The following ZNF511 variants were observed in gnomAD, a reference collection of about 807,000 sequenced individuals.
ZNF511 encodes the protein zinc finger protein 511.
A neutral mutation model predicts 24.8 loss-of-function variants in ZNF511; 26 were observed. The observed-to-expected ratio is 1.05, with a 90% CI of 0.77 to 1.46. ZNF511 has a LOEUF of 1.46. ZNF511 is among the 40% of genes most tolerant of loss of function. ZNF511 has a pLI of 0.00. For synonymous variants in ZNF511, 144 were observed against 139.6 expected, an observed-to-expected ratio of 1.03 and a Z score of -0.22; for missense variants, 358 against 345.0, an observed-to-expected ratio of 1.04 and a Z score of -0.30.
intron 5 of ZNF511, chr10:133,312,561 G>T: frequency 1.4e-6 from 2 of 1,419,678 alleles, no homozygotes; most frequent in South Asian, 1.5e-5. Context: ...CGCCCTCTCT[G>T]CGGAGTTCTT....
In ZNF511 at chr10:133,312,798, A is replaced by G. The variant is rs2136156602; in HGVS notation, c.691A>G (p.Thr231Ala). 6.2e-7 allele frequency: 1 copy of G among 1,614,218 alleles called. No individual in the cohort carries two copies. Among genetic ancestry groups the G allele is most frequent in the Non-Finnish European group, 8.5e-7 (1 of 1,180,044 alleles). Reference sequence around the variant, plus strand: ...TTTCTTCCATCCCAGAATACCCTCTACCATCTGCTTTGGTCAGGGTGCCGC... The same window carrying G: ...TTTCTTCCATCCCAGAATACCCTCTGCCATCTGCTTTGGTCAGGGTGCCGC... ...RRIYRHRIPS[T>A]ICFGQGAARG... The change falls in exon 6 of 6, where the codon ACC becomes GCC. Residue 231 changes from threonine to alanine, a missense_variant. By Grantham distance (58) the Thr-to-Ala change is moderately conservative. Transcript: ENST00000361518.
Position 133,308,921 on chromosome 10 carries a change from T to TGCGC in ZNF511, c.-22_-19dup, listed in dbSNP as rs1225115716. ...GGCTCGCGGACGGTGGCCGACAGGC[T>TGCGC]GCGCCCGCCCGCGCCCGGGGTGATG... is the stretch of plus-strand genomic sequence containing the variant. On this transcript the variant is annotated 5_prime_UTR_variant, in exon 1 of 6. Transcript: ENST00000361518. 1 of 1,214,144 alleles carries TGCGC rather than the reference T, an allele frequency of 8.2e-7. No individual in the cohort carries two copies. The highest frequency in any genetic ancestry group is 1.6e-5 in the African/African-American group (1 of 63,438). 75.2% of individuals were successfully genotyped at this position (1,214,144 alleles called of 1,614,324 possible). A position where few individuals can be genotyped will look rare whatever the true frequency, so the allele number is the denominator to read the frequency against.
chr10:133,311,950 AC>A lies in ZNF511; in HGVS notation c.680+110del, dbSNP rs746538879. 6.8e-6 allele frequency: 11 copies of A among 1,612,424 alleles called. No individual in the cohort carries two copies. The South Asian group carries it at 8.8e-5, about 13-fold the overall frequency. On this transcript the variant is annotated intron_variant, in intron 5 of 5. Coordinates refer to ENST00000361518, the MANE Select transcript of ZNF511 (RefSeq NM_145806.4). Reference sequence around the variant, plus strand: ...TTCTCATACTGAATTCAGAAAGGTAACGCTGGGTAAGAAAATCGGCTTCCGC... The same window carrying A: ...TTCTCATACTGAATTCAGAAAGGTAAGCTGGGTAAGAAAATCGGCTTCCGC...
chr10:133,309,592 C>G, intron 2 of ZNF511, 129 bp downstream of exon 2: 1 of 1,290,182 alleles, frequency 7.8e-7, no homozygotes, highest in South Asian at 1.3e-5. Flanking sequence ...GCCTGTCCAG[C>G]TTTGGCGTGG....
Position 133,309,426 on chromosome 10 carries a change from G to T in ZNF511, c.190G>T (p.Val64Leu). ...DVQRHLYLQDVIMQVADVPEK... is the reference protein window; with the variant it reads ...DVQRHLYLQDLIMQVADVPEK... ...GCAGCGCCACCTCTACCTCCAGGAC[G>T]TGATCATGCAGGTGGCCGACGTGCC... The change falls in exon 2 of 6, where the codon GTG becomes TTG. Residue 64 changes from valine (V) to leucine (L), a missense_variant. Transcript: ENST00000361518. 4 of 1,612,590 alleles carry T rather than the reference G, an allele frequency of 2.5e-6. No individual in the cohort carries two copies. The highest frequency in any genetic ancestry group is 3.4e-6 in the Non-Finnish European group (4 of 1,179,762).
At position 133,309,812 on chromosome 10, in the gene ZNF511, C is replaced by A. The variant is rs1410977260; in HGVS notation, c.264C>A (p.Cys88Ter). 1 of 1,613,502 alleles carries A rather than the reference C, an allele frequency of 6.2e-7. No homozygotes were observed. Among genetic ancestry groups the A allele is most frequent in the South Asian group, 1.1e-5 (1 of 91,068 alleles). Reference sequence around the variant, plus strand: ...TTGCCTGCCAGGTGGCCGGCTGCTGCCAGGTGTTCGATGCCCTGGACGACT... The same window carrying A: ...TTGCCTGCCAGGTGGCCGGCTGCTGACAGGTGTTCGATGCCCTGGACGACT... ...PAFACQVAGCCQVFDALDDYE... is the reference protein window; with the variant it reads ...PAFACQVAGC The change falls in exon 3 of 6, where the codon TGC becomes TGA. Residue 88 changes from cysteine (C) to a stop codon, truncating the protein, a stop_gained. Coordinates refer to ENST00000361518, the MANE Select transcript of ZNF511 (RefSeq NM_145806.4). LOFTEE classifies it high-confidence loss of function.
intron 4 of ZNF511, among the ~76,000 whole-genome samples, chr10:133,310,728 A>G (rs977432100): frequency 6.6e-6 from 1 of 152,180 alleles, no homozygotes; most frequent in Admixed American, 6.5e-5. Flanking sequence ...GGTTGTGCGC[A>G]TATGAACTTG....
Position 133,310,256 on chromosome 10 carries a change from C to A in ZNF511, c.522C>A (p.Asp174Glu), listed in dbSNP as rs1345905963. The change falls in exon 4 of 6, where the codon GAC becomes GAA. Residue 174 changes from aspartate (D) to glutamate (E), a missense_variant. Coordinates refer to ENST00000361518, the MANE Select transcript of ZNF511 (RefSeq NM_145806.4). ...TGAGGATGCACCTGTACCCCGCGGA[C>A]TTCCGGTTTGATAAGCCAAAGAAAA... The part of the protein sequence containing the change: ...HMVRMHLYPA[D>E]FRFDKPKKSR... 1.2e-6 allele frequency: 2 copies of A among 1,614,044 alleles called. No individual in the cohort carries two copies. Among genetic ancestry groups the A allele is most frequent in the Admixed American group, 1.7e-5 (1 of 60,034 alleles).
In ZNF511 at chr10:133,310,163, G is replaced by C. The variant is rs139953339; in HGVS notation, c.430-1G>C. 1 of 1,613,900 alleles carries C rather than the reference G, an allele frequency of 6.2e-7. No homozygotes were observed. The highest frequency in any genetic ancestry group is 1.3e-5 in the African/African-American group (1 of 75,066). On this transcript the variant is annotated splice_acceptor_variant, in intron 3 of 5. Coordinates refer to ENST00000361518, the MANE Select transcript of ZNF511 (RefSeq NM_145806.4). LOFTEE classifies it high-confidence loss of function. ...GGGAGGTGACACGGTCTCCATTTCAGTATCAGTGCTTGGTAGAAGGCTGCA... is the reference window on the plus strand; with the variant it reads ...GGGAGGTGACACGGTCTCCATTTCACTATCAGTGCTTGGTAGAAGGCTGCA...
intron 2 of ZNF511, 137 bp from the exon 3 acceptor site, chr10:133,309,639 A>C: frequency 7.9e-7 from 1 of 1,265,120 alleles, no homozygotes; most frequent in Admixed American, 1.9e-5. Flanking sequence ...TGTGAAACTT[A>C]ATTCATAAAA....
intron 3 of ZNF511, 80 bp from the exon 4 acceptor site, chr10:133,310,084 C>T: frequency 6.2e-7 from 1 of 1,610,664 alleles, no homozygotes; most frequent in African/African-American, 1.3e-5. Flanking sequence ...CACCTTTCCG[C>T]CCTTGGCAGC....
chr10:133,310,127 C>G (rs1450872805), intron 3 of ZNF511, 37 bp from the exon 4 acceptor site: 1 of 1,612,690 alleles, frequency 6.2e-7, no homozygotes. Flanking sequence ...GGGGGAGGGC[C>G]AGGGGTCAGA....
chr10:133,309,369 C>A (rs757684857), intron 1 of ZNF511, 21 bp from the exon 2 acceptor site: 1 of 1,607,834 alleles, frequency 6.2e-7, no homozygotes, highest in Non-Finnish European at 8.5e-7. Flanking sequence ...TGGCCCCGCC[C>A]ACGGCGCACT....
intron 5 of ZNF511, 90 bp from the exon 6 acceptor site, chr10:133,312,698 G>A: frequency 6.3e-7 from 1 of 1,599,954 alleles, no homozygotes; most frequent in East Asian, 2.2e-5. Flanking sequence ...CAGAGTGAAA[G>A]AGAATGAGAA....
At chr10:133,312,645 G>GC in intron 5 of ZNF511, 143 bp from the exon 6 acceptor site, 9 of 1,533,884 alleles carry the variant, frequency 5.9e-6, no homozygotes, top group Non-Finnish European at 7.9e-6. Context: ...AAAGGGAGCT[G>GC]CCCCAGGGCC....
intron 1 of ZNF511, 37 bp from the exon 2 acceptor site, chr10:133,309,353 G>T (rs1053279587): frequency 6.3e-7 from 1 of 1,598,236 alleles, no homozygotes; most frequent in African/African-American, 1.3e-5. Flanking sequence ...CGTGCCGCGA[G>T]TCACCTGGCC....
In ZNF511 at chr10:133,311,658, G is replaced by A. The variant is rs1430640013; in HGVS notation, c.555-58G>A. 1.1e-5 allele frequency: 16 copies of A among 1,427,278 alleles called. No homozygotes were observed. In the East Asian group the frequency reaches 3.2e-4, roughly 29 times the overall value. 88.4% of individuals were successfully genotyped at this position (1,427,278 alleles called of 1,614,324 possible). On this transcript the variant is annotated intron_variant, in intron 4 of 5. Transcript: ENST00000361518. ...TTCTTTCTTGCATGTTCATTTCTGG[G>A]GAACACAGGGGCTGTGGGAGCCGTG...
At position 133,311,859 on chromosome 10, in the gene ZNF511, T is replaced by C. The variant is rs1443619469; in HGVS notation, c.680+18T>C. On this transcript the variant is annotated intron_variant, in intron 5 of 5. Coordinates refer to ENST00000361518, the MANE Select transcript of ZNF511 (RefSeq NM_145806.4). ...AGACATAGGTCAGTGTCTGAGCTCT[T>C]TCTGAAACCCGTTCTCAACATGTGT... is the stretch of plus-strand genomic sequence containing the variant. The C allele has an allele frequency of 5.0e-6, 8 of 1,613,202 alleles. No individual in the cohort carries two copies. Among genetic ancestry groups the C allele is most frequent in the African/African-American group, 1.3e-5 (1 of 74,946 alleles).
chr10:133,312,110 G>A, intron 5 of ZNF511: 1 of 1,444,232 alleles, frequency 6.9e-7, no homozygotes. Flanking sequence ...GGGATGGAAA[G>A]AGTCTCACTT....
Sources: allele counts gnomAD v4.1 joint callset (sites outside exome capture counted in the v4.1 genomes callset), GRCh38; gene constraint gnomAD v4.1.1; transcripts MANE v1.5; gene names NCBI Gene and HGNC (gene_info 2026-07-23, HGNC 2026-07-21).